The following SAMD3 variants were observed in gnomAD, a reference collection of about 807,000 sequenced individuals.
SAMD3 encodes sterile alpha motif domain-containing protein 3.
SAMD3 carries 63 observed loss-of-function variants against 58.5 expected under a neutral mutation model. The observed-to-expected ratio is 1.08, with a 90% CI of 0.88 to 1.33. SAMD3 has a LOEUF of 1.33. SAMD3 is among the 40% of genes most tolerant of loss of function. The pLI, the probability that SAMD3 is intolerant of heterozygous loss-of-function variation, is 0.00. For missense variants in SAMD3, 604 were observed against 608.4 expected, an observed-to-expected ratio of 0.99 and a Z score of 0.08; for synonymous variants, 220 against 210.3, an observed-to-expected ratio of 1.05 and a Z score of -0.40.
chr6:130,275,766 A>G (rs185927139), intron 2 of SAMD3, among the ~76,000 whole-genome samples: 246 of 152,074 alleles, frequency 1.6e-3, no homozygotes, highest in Middle Eastern at 3.4e-3. Context: ...TTCTTTGTAT[A>G]TCATATTCTT....
At chr6:130,328,865 A>G (rs1442923712) in intron 1 of SAMD3, among the ~76,000 whole-genome samples, 1 of 152,252 alleles carries the variant, frequency 6.6e-6, no homozygotes, top group Admixed American at 6.5e-5. Flanking sequence ...TGTAATGTAG[A>G]GAAATCTAAG....
At chr6:130,230,245 A>G (rs1582981404) in intron 2 of SAMD3, among the ~76,000 whole-genome samples, 3 of 152,216 alleles carry the variant, frequency 2.0e-5, no homozygotes, top group Non-Finnish European at 4.4e-5. Flanking sequence ...TCCAAAGTAT[A>G]TAATATGAAT....
At chr6:130,175,527 T>A (rs561832174) in intron 8 of SAMD3, among the ~76,000 whole-genome samples, 1 of 151,976 alleles carries the variant, frequency 6.6e-6, no homozygotes, top group Non-Finnish European at 1.5e-5. Flanking sequence ...ATCAAGAACA[T>A]AAGACGCATT....
At chr6:130,308,084 A>C (rs1775968826) in intron 2 of SAMD3, among the ~76,000 whole-genome samples, 1 of 152,118 alleles carries the variant, frequency 6.6e-6, no homozygotes, top group Non-Finnish European at 1.5e-5. Context: ...TTTCTCTCAC[A>C]TTCTGATGCA....
At chr6:130,179,446 A>C (rs1006851617) in intron 7 of SAMD3, among the ~76,000 whole-genome samples, 1 of 152,062 alleles carries the variant, frequency 6.6e-6, no homozygotes, top group Non-Finnish European at 1.5e-5. Flanking sequence ...GAAATTGCAG[A>C]CCTCCTGTTG....
intron 1 of SAMD3, among the ~76,000 whole-genome samples, chr6:130,344,141 G>A (rs1018406546): frequency 2.0e-5 from 3 of 152,022 alleles, no homozygotes; most frequent in East Asian, 1.9e-4. Flanking sequence ...AGTAACAAAC[G>A]TTCACTGCAG....
At chr6:130,168,631 T>A (rs1790941769) in intron 8 of SAMD3, among the ~76,000 whole-genome samples, 1 of 152,182 alleles carries the variant, frequency 6.6e-6, no homozygotes, top group Non-Finnish European at 1.5e-5. Context: ...TTTCTTGCCT[T>A]TGAGTGAATG....
chr6:130,177,792 C>A (rs942183562), intron 7 of SAMD3, among the ~76,000 whole-genome samples: 6 of 151,984 alleles, frequency 3.9e-5, no homozygotes, highest in Admixed American at 3.9e-4. Context: ...AGGCTCATGC[C>A]TGCTTTGCCC....
At chr6:130,290,586 T>C (rs560709833) in intron 2 of SAMD3, among the ~76,000 whole-genome samples, 1 of 152,360 alleles carries the variant, frequency 6.6e-6, no homozygotes, top group South Asian at 2.1e-4. Flanking sequence ...CAATACAGCA[T>C]TAAGATGAAT....
chr6:130,159,864 A>T (rs892973411), intron 8 of SAMD3: 2 of 152,230 alleles, frequency 1.3e-5, no homozygotes, highest in African/African-American at 4.8e-5. Context: ...AGAGGAGGAA[A>T]CATGAATATT....
chr6:130,173,347 C>T (rs1252689567), intron 8 of SAMD3, among the ~76,000 whole-genome samples: 1 of 152,084 alleles, frequency 6.6e-6, no homozygotes, highest in Non-Finnish European at 1.5e-5. Flanking sequence ...TCTTTGATGA[C>T]CTTTGGATGG....
At chr6:130,339,366 G>T (rs1221248983) in intron 1 of SAMD3, among the ~76,000 whole-genome samples, 1 of 152,090 alleles carries the variant, frequency 6.6e-6, no homozygotes, top group African/African-American at 2.4e-5. Flanking sequence ...ATCTTAAATT[G>T]TAATTCCCAT....
intron 1 of SAMD3, among the ~76,000 whole-genome samples, chr6:130,355,962 G>A (rs1482865866): frequency 6.6e-6 from 1 of 152,140 alleles, no homozygotes; most frequent in African/African-American, 2.4e-5. Context: ...TCCCATCAGT[G>A]CCATTTTTCC....
chr6:130,364,317 A>C (rs1203604077), intron 1 of SAMD3, among the ~76,000 whole-genome samples: 2 of 152,036 alleles, frequency 1.3e-5, no homozygotes, highest in Non-Finnish European at 2.9e-5. Flanking sequence ...CAATGCTTAA[A>C]ATGGCTAGAT....
chr6:130,178,360 C>T (rs1158058634), intron 7 of SAMD3, among the ~76,000 whole-genome samples: 2 of 151,842 alleles, frequency 1.3e-5, no homozygotes, highest in African/African-American at 4.8e-5. Context: ...TGAATAGATC[C>T]CCACAGTGAG....
intron 5 of SAMD3, among the ~76,000 whole-genome samples, chr6:130,196,880 G>C (rs1794175141): frequency 6.6e-6 from 1 of 152,164 alleles, no homozygotes; most frequent in African/African-American, 2.4e-5. Context: ...CTTCCCTTCT[G>C]TCAGACATAA....
intron 2 of SAMD3, among the ~76,000 whole-genome samples, chr6:130,305,989 G>A (rs1040221070): frequency 6.6e-6 from 1 of 152,176 alleles, no homozygotes; most frequent in African/African-American, 2.4e-5. Context: ...CATAGATGAT[G>A]CCTTACAATG....
At chr6:130,219,179 A>G (rs992926210) in intron 1 of SAMD3, among the ~76,000 whole-genome samples, 2 of 152,196 alleles carry the variant, frequency 1.3e-5, no homozygotes, top group Non-Finnish European at 2.9e-5. Flanking sequence ...GAACAAAACT[A>G]TTAATTTTTT....
chr6:130,331,856 A>C (rs909596441), intron 1 of SAMD3, among the ~76,000 whole-genome samples: 1 of 152,200 alleles, frequency 6.6e-6, no homozygotes, highest in African/African-American at 2.4e-5. Context: ...TAGCATGGTG[A>C]GGTATGTATT....
Sources: allele counts gnomAD v4.1 joint callset (sites outside exome capture counted in the v4.1 genomes callset), GRCh38; gene constraint gnomAD v4.1.1; transcripts MANE v1.5; gene names NCBI Gene and HGNC (gene_info 2026-07-23, HGNC 2026-07-21).